The following TEAD3 variants were observed in gnomAD, a reference collection of about 807,000 sequenced individuals.
The protein encoded by TEAD3 is TEA domain transcription factor 3, also known as transcriptional enhancer factor TEF-5.
In TEAD3, 15 loss-of-function variants were observed where a neutral mutation model predicts 55.6. The observed-to-expected ratio is 0.27, with a 90% confidence interval of 0.18 to 0.42. The LOEUF (loss-of-function observed/expected upper bound fraction) is 0.42. TEAD3 is among the 10% of genes least tolerant of loss of function. The pLI is 1.00. For missense variants in TEAD3, 407 were observed against 576.8 expected (o/e 0.71, Z 3.01); for synonymous variants, 210 against 232.2 (o/e 0.90, Z 0.87).
chr6:35,480,259 C>G, intron 3 of TEAD3, 53 bp downstream of exon 4: 3 of 1,597,792 alleles, frequency 1.9e-6, no homozygotes, highest in Non-Finnish European at 2.6e-6. Flanking sequence ...GAGATAGCGC[C>G]GTGGGTGAGG....
rs76083822 is a variant in TEAD3, at chr6:35,485,422, G to A, written c.203-798C>T. 0.014 allele frequency among the ~76,000 whole-genome samples: 2,158 copies of A among 152,234 alleles called. 58 individuals carry two copies. Among genetic ancestry groups the A allele is most frequent in the African/African-American group, 0.046 (1,908 of 41,516 alleles). ...TGAAAGGGGGATGCCTGGGCCACAC[G>A]GCTGAGCCCAAGTCAGCATGGTCAA... On this transcript the variant is annotated intron_variant, in intron 2 of 12. Coordinates refer to ENST00000639578, the Ensembl canonical transcript of TEAD3. This position sits in a 1 kb window ranked among gnomAD's most constrained non-coding sequence, Gnocchi z 4.3.
chr6:35,479,284 G>C (rs1768218147), intron 5 of TEAD3, 21 bp downstream of exon 5: 1 of 1,613,654 alleles, frequency 6.2e-7, no homozygotes. Flanking sequence ...CACTCCCACT[G>C]GGGAGGGCTG....
rs1430092592 is a variant in TEAD3 at position 35,495,848 on chromosome 6, C to T, written c.-50+1050G>A. Among the ~76,000 whole-genome samples the T allele has an allele frequency of 2.0e-5, 3 of 152,312 alleles. No individual in the cohort carries two copies. The East Asian group carries it at 5.8e-4, about 29-fold the overall frequency. On this transcript the variant is annotated intron_variant, in intron 1 of 12. Transcript: ENST00000639578. ...CCCCTACCCCTATGCCCTGTTCTTC[C>T]GGACAACAAGTCCAGGCCTGACCTG...
At chr6:35,481,447 G>C (rs1768265417) in intron 3 of TEAD3, among the ~76,000 whole-genome samples, 1 of 152,176 alleles carries the variant, frequency 6.6e-6, no homozygotes, top group South Asian at 2.1e-4. Flanking sequence ...CAGTGAGTAA[G>C]TATGTGATAC....
At position 35,486,716 on chromosome 6, in the gene TEAD3, G is replaced by C; in HGVS notation, c.-49-5C>G. The C allele has an allele frequency of 6.3e-7, 1 of 1,577,700 alleles. No homozygotes were observed. Among genetic ancestry groups the C allele is most frequent in the Non-Finnish European group, 8.6e-7 (1 of 1,156,900 alleles). On this transcript the variant is annotated splice_polypyrimidine_tract_variant and splice_region_variant and intron_variant, in intron 1 of 12. Coordinates refer to ENST00000639578, the Ensembl canonical transcript of TEAD3. This position sits in a 1 kb window ranked among gnomAD's most constrained non-coding sequence, Gnocchi z 7.3. ...GAGCCCACTGGGCGGCTGAGCCTGG[G>C]GGACAGACAGACAGGAACTGGGACC...
chr6:35,484,454 G>C lies in TEAD3; in HGVS notation c.267+106C>G, dbSNP rs909106679. On this transcript the variant is annotated intron_variant, in intron 3 of 12. Transcript: ENST00000639578. The surrounding 1 kb of genome is among the most constrained non-coding windows in gnomAD (Gnocchi z 5.8). ...TGAGGCAAGGAGGGTGGCAGTCCAGGTCAGGGGCAGCCTCGAGGAGGTGGG... is the reference window on the plus strand; with the variant it reads ...TGAGGCAAGGAGGGTGGCAGTCCAGCTCAGGGGCAGCCTCGAGGAGGTGGG... The C allele has an allele frequency of 1.8e-6, 2 of 1,129,654 alleles. No individual in the cohort carries two copies. The highest frequency in any genetic ancestry group is 2.6e-6 in the Non-Finnish European group (2 of 768,790). The allele number at this position is 1,129,654 out of a possible 1,614,324, so 70.0% of individuals were successfully genotyped here.
At position 35,486,813 on chromosome 6, in the gene TEAD3, GC is replaced by G; in HGVS notation, c.-49-103del. ...TCTGGAGCTCCGCCCCCAGCCCCAAGCCCACCCTAGGAGCAGGTGCTCCAGG... is the reference window on the plus strand; with the variant it reads ...TCTGGAGCTCCGCCCCCAGCCCCAAGCCACCCTAGGAGCAGGTGCTCCAGG... On this transcript the variant is annotated intron_variant, in intron 1 of 12. Coordinates refer to ENST00000639578, the Ensembl canonical transcript of TEAD3. The surrounding 1 kb of genome is among the most constrained non-coding windows in gnomAD (Gnocchi z 7.3). The G allele has an allele frequency of 1.3e-6, 1 of 787,316 alleles. No homozygotes were observed. Among genetic ancestry groups the G allele is most frequent in the Non-Finnish European group, 2.0e-6 (1 of 505,092 alleles). 48.8% of individuals were successfully genotyped at this position (787,316 alleles called of 1,614,324 possible).
At position 35,485,568 on chromosome 6, in the gene TEAD3, C is replaced by T. The variant is rs776805144; in HGVS notation, c.202+893G>A. On this transcript the variant is annotated intron_variant, in intron 2 of 12. Transcript: ENST00000639578. The surrounding 1 kb of genome is among the most constrained non-coding windows in gnomAD (Gnocchi z 4.3). Reference sequence around the variant, plus strand: ...AACCAGCCCCATTGCTCCTCCCTCCCGCCAGCCCCTCTCCACCCCACTCTC... The same window carrying T: ...AACCAGCCCCATTGCTCCTCCCTCCTGCCAGCCCCTCTCCACCCCACTCTC... Among the ~76,000 whole-genome samples the T allele has an allele frequency of 9.9e-5, 15 of 152,198 alleles. No individual in the cohort carries two copies. Among genetic ancestry groups the T allele is most frequent in the African/African-American group, 3.1e-4 (13 of 41,446 alleles).
chr6:35,494,212 A>T (rs571203366), intron 1 of TEAD3, among the ~76,000 whole-genome samples: 24 of 152,336 alleles, frequency 1.6e-4, no homozygotes, highest in Middle Eastern at 3.4e-3. Context: ...ACACAGTTGC[A>T]TTCTCATTTC....
chr6:35,478,403 C>T (rs1288212694), intron 6 of TEAD3, 31 bp downstream of exon 6: 1 of 1,613,522 alleles, frequency 6.2e-7, no homozygotes, highest in African/African-American at 1.3e-5. Flanking sequence ...AGCACACCCC[C>T]ACACCAGCCC....
In TEAD3 at chr6:35,486,718, G is replaced by C; in HGVS notation, c.-49-7C>G. ...GCCCACTGGGCGGCTGAGCCTGGGG[G>C]ACAGACAGACAGGAACTGGGACCAG... is the stretch of plus-strand genomic sequence containing the variant. On this transcript the variant is annotated splice_polypyrimidine_tract_variant and splice_region_variant and intron_variant, in intron 1 of 12. Transcript: ENST00000639578. This position sits in a 1 kb window ranked among gnomAD's most constrained non-coding sequence, Gnocchi z 7.3. The C allele has an allele frequency of 6.4e-7, 1 of 1,567,144 alleles. No individual in the cohort carries two copies. The highest frequency in any genetic ancestry group is 8.7e-7 in the Non-Finnish European group (1 of 1,148,826).
At chr6:35,477,393 T>G in intron 7 of TEAD3, 21 bp from the exon 8 acceptor site, 1 of 1,596,456 alleles carries the variant, frequency 6.3e-7, no homozygotes, top group Middle Eastern at 1.7e-4. Context: ...GAGCACAGCC[T>G]GGTGAGAGGG....
chr6:35,477,303 G>C lies in TEAD3; in HGVS notation c.592+8C>G, dbSNP rs765161275. Reference sequence around the variant, plus strand: ...GCCAAGGGAGAGCACCTCGTGTGGGGAACTTACTGCTGAGCGTCGGCGGCA... The same window carrying C: ...GCCAAGGGAGAGCACCTCGTGTGGGCAACTTACTGCTGAGCGTCGGCGGCA... On this transcript the variant is annotated splice_region_variant and intron_variant, in intron 8 of 12. Transcript: ENST00000639578. 1 of 1,609,596 alleles carries C rather than the reference G, an allele frequency of 6.2e-7. No individual in the cohort carries two copies. The highest frequency in any genetic ancestry group is 8.5e-7 in the Non-Finnish European group (1 of 1,179,738).
chr6:35,475,161 G>A lies in TEAD3; in HGVS notation c.1195-4C>T. 6.3e-7 allele frequency: 1 copy of A among 1,575,626 alleles called. No individual in the cohort carries two copies. Among genetic ancestry groups the A allele is most frequent in the East Asian group, 2.3e-5 (1 of 42,744 alleles). On this transcript the variant is annotated splice_region_variant and splice_polypyrimidine_tract_variant and intron_variant, in intron 12 of 12. Transcript: ENST00000639578. This position sits in a 1 kb window ranked among gnomAD's most constrained non-coding sequence, Gnocchi z 5.4. ...GGGAGTCCCGGCTCGTGACCACCTGGGGGGTGAGCAGGTAAGAGATTCAGG... is the reference window on the plus strand; with the variant it reads ...GGGAGTCCCGGCTCGTGACCACCTGAGGGGTGAGCAGGTAAGAGATTCAGG...
intron 3 of TEAD3, among the ~76,000 whole-genome samples, chr6:35,481,516 G>C: frequency 6.6e-6 from 1 of 152,184 alleles, no homozygotes; most frequent in Non-Finnish European, 1.5e-5. Flanking sequence ...CCAGGAATCA[G>C]ACTCCTGTCC....
chr6:35,490,015 G>A (rs1007661758), intron 1 of TEAD3, among the ~76,000 whole-genome samples: 2 of 152,174 alleles, frequency 1.3e-5, no homozygotes, highest in Non-Finnish European at 2.9e-5. Flanking sequence ...GTCTGACACT[G>A]CCACAGAGCT....
chr6:35,480,103 A>C, exon 4 of TEAD3: 8 of 1,528,892 alleles, frequency 5.2e-6, no homozygotes, highest in East Asian at 2.5e-5. Flanking sequence ...CCTGGCTAGA[A>C]CTTGCAAGTG....
At chr6:35,478,745 C>A (rs1768205652) in intron 5 of TEAD3, among the ~76,000 whole-genome samples, 174 bp from the exon 6 acceptor site, 1 of 152,230 alleles carries the variant, frequency 6.6e-6, no homozygotes, top group Non-Finnish European at 1.5e-5. Flanking sequence ...AGAGTCTCTG[C>A]ACCTTCCTGG....
At chr6:35,478,276 C>T (rs780960982) in exon 7 of TEAD3, 5 of 1,613,516 alleles carry the variant, frequency 3.1e-6, no homozygotes, top group Admixed American at 1.7e-5. Context: ...AATACTCACT[C>T]CTGAGAGGGT....
Sources: allele counts gnomAD v4.1 joint callset (sites outside exome capture counted in the v4.1 genomes callset), GRCh38; gene constraint gnomAD v4.1.1; non-coding constraint Gnocchi (gnomAD v3.1); transcripts MANE v1.5; gene names NCBI Gene and HGNC (gene_info 2026-07-23, HGNC 2026-07-21).